The following PARG variants were observed in gnomAD, a reference collection of about 807,000 sequenced individuals.
PARG encodes the protein poly(ADP-ribose) glycohydrolase.
In PARG, 35 loss-of-function variants were observed where a neutral mutation model predicts 113.0. The ratio of observed to expected loss-of-function variants is 0.31; its 90% CI spans 0.24 to 0.41. The LOEUF (loss-of-function observed/expected upper bound fraction) is 0.41. PARG is among the 10% of genes least tolerant of loss of function. PARG has a pLI of 1.00. For missense variants in PARG, 797 were observed against 1,169.4 expected, an observed-to-expected ratio of 0.68 and a Z score of 4.64; for synonymous variants, 330 against 409.9, an observed-to-expected ratio of 0.81 and a Z score of 2.36.
chr10:49,885,136 A>G (rs1554840206), intron 8 of PARG, 67 bp downstream of exon 8: 5 of 846,932 alleles, frequency 5.9e-6, no homozygotes, highest in Non-Finnish European at 1.0e-5. Context: ...GACCCTGGCC[A>G]TTCGAGTTTA....
chr10:49,825,234 C>T (rs766399009), intron 16 of PARG, among the ~76,000 whole-genome samples: 1 of 152,248 alleles, frequency 6.6e-6, no homozygotes, highest in South Asian at 2.1e-4. Flanking sequence ...ACACTCCCTC[C>T]TTTTCCACTA....
At chr10:49,834,218 C>T (rs562159439) in intron 15 of PARG, among the ~76,000 whole-genome samples, 4 of 152,266 alleles carry the variant, frequency 2.6e-5, no homozygotes, top group African/African-American at 9.6e-5. Flanking sequence ...GAAAGATAGT[C>T]TGTGTCATTA....
intron 16 of PARG, among the ~76,000 whole-genome samples, chr10:49,821,848 T>TC (rs1844102346): frequency 6.6e-6 from 1 of 151,860 alleles, no homozygotes; most frequent in Non-Finnish European, 1.5e-5. Flanking sequence ...ATAACCACAT[T>TC]GAAGGGAAAG....
At chr10:49,920,499 C>CAT (rs1241873365) in intron 6 of PARG, among the ~76,000 whole-genome samples, 11 of 55,864 alleles carry the variant, frequency 2.0e-4, no homozygotes, top group East Asian at 3.8e-4. Flanking sequence ...TATATATATA[C>CAT]ACACACACAC....
chr10:49,918,784 T>C (rs1247521970), intron 6 of PARG, among the ~76,000 whole-genome samples: 13 of 152,272 alleles, frequency 8.5e-5, no homozygotes, highest in Non-Finnish European at 1.9e-4. Flanking sequence ...TAGAAAAATA[T>C]CTCGATGGAT....
chr10:49,889,736 T>G (rs1554841127), intron 7 of PARG, among the ~76,000 whole-genome samples: 1 of 152,228 alleles, frequency 6.6e-6, no homozygotes, highest in East Asian at 1.9e-4. Flanking sequence ...CTTTGTCTTT[T>G]AAAACTGACA....
At position 49,917,865 on chromosome 10, in the gene PARG, AT is replaced by A. The variant is rs1159373079; in HGVS notation, c.1663-1875del. On this transcript the variant is annotated intron_variant, in intron 6 of 17. Coordinates refer to ENST00000616448, the MANE Select transcript of PARG (RefSeq NM_003631.5). The stretch of plus-strand genomic sequence containing the variant: ...AAAAAAAAATTAAAAGATTTTAAGG[AT>A]TTTTTTTTCCAATCACTGGTATCTA... 1.7e-4 allele frequency among the ~76,000 whole-genome samples: 25 copies of A among 151,042 alleles called. No homozygotes were observed. The Middle Eastern group carries it at 0.01, about 62-fold the overall frequency.
intron 16 of PARG, among the ~76,000 whole-genome samples, chr10:49,827,747 C>T (rs1218447952): frequency 1.3e-5 from 2 of 151,898 alleles, no homozygotes; most frequent in Middle Eastern, 3.2e-3. Flanking sequence ...AGGACAGAGT[C>T]TGACCTAAAA....
At chr10:49,894,280 G>A (rs1186890281) in intron 7 of PARG, among the ~76,000 whole-genome samples, 14 of 150,872 alleles carry the variant, frequency 9.3e-5, no homozygotes, top group African/African-American at 3.4e-4. Flanking sequence ...GTACTCCAGC[G>A]ATCCCTCTGC....
chr10:49,888,463 C>T (rs186046363), intron 7 of PARG, among the ~76,000 whole-genome samples: 53 of 152,186 alleles, frequency 3.5e-4, no homozygotes, highest in Non-Finnish European at 1.3e-4. Flanking sequence ...TTGTGGTTTC[C>T]TCTTCCTTTC....
intron 10 of PARG, among the ~76,000 whole-genome samples, chr10:49,866,450 T>A (rs1288802634): frequency 3.9e-5 from 6 of 152,014 alleles, no homozygotes; most frequent in Non-Finnish European, 7.4e-5. Flanking sequence ...AGATGGGTCT[T>A]ACGTCTTTTA....
chr10:49,906,515 T>C (rs1264830382), intron 7 of PARG, among the ~76,000 whole-genome samples: 1 of 152,140 alleles, frequency 6.6e-6, no homozygotes, highest in Non-Finnish European at 1.5e-5. Context: ...AGGTGCTATG[T>C]CAAAGACCGA....
intron 14 of PARG, 101 bp from the exon 15 acceptor site, chr10:49,842,159 T>C: frequency 1.3e-6 from 1 of 757,060 alleles, no homozygotes; most frequent in East Asian, 2.7e-5. Flanking sequence ...TCTGTTAAAA[T>C]ATTAAAAACA....
At chr10:49,922,040 T>G (rs1837901384) in intron 6 of PARG, among the ~76,000 whole-genome samples, 1 of 152,064 alleles carries the variant, frequency 6.6e-6, no homozygotes, top group Non-Finnish European at 1.5e-5. Context: ...CATGATAATT[T>G]TAAAACAAAA....
chr10:49,921,273 A>T (rs1837854824), intron 6 of PARG, among the ~76,000 whole-genome samples: 1 of 152,216 alleles, frequency 6.6e-6, no homozygotes, highest in Non-Finnish European at 1.5e-5. Context: ...CCTCCCACCT[A>T]ATACCATTTC....
chr10:49,844,152 A>G (rs781879524), intron 13 of PARG, among the ~76,000 whole-genome samples: 9 of 152,166 alleles, frequency 5.9e-5, no homozygotes, highest in Non-Finnish European at 1.0e-4. Flanking sequence ...CTCAAAAGAA[A>G]AAAAAGAAAA....
intron 6 of PARG, among the ~76,000 whole-genome samples, chr10:49,921,740 A>G (rs1220537315): frequency 1.6e-5 from 2 of 127,536 alleles, no homozygotes; most frequent in Non-Finnish European, 3.4e-5. Context: ...AGTGCCCCCA[A>G]ATATAAATAT....
At position 49,941,675 on chromosome 10, in the gene PARG, G is replaced by A. The variant is rs1234520061; in HGVS notation, c.51C>T (p.Gly17=). 3.1e-6 allele frequency: 5 copies of A among 1,595,012 alleles called. No homozygotes were observed. Among genetic ancestry groups the A allele is most frequent in the African/African-American group, 2.7e-5 (2 of 74,370 alleles). The change falls in exon 1 of 18, where the codon GGC becomes GGT. Residue 17 remains glycine (G), a synonymous_variant. Transcript: ENST00000616448. The part of the protein sequence containing the change: ...CEPCTKRPRW[G]AATTSPAASD... ...AAGCAGCCGGCGAAGTTGTAGCGGCGCCCCAGCGGGGTCGCTTGGTGCAGG... is the reference window on the plus strand; with the variant it reads ...AAGCAGCCGGCGAAGTTGTAGCGGCACCCCAGCGGGGTCGCTTGGTGCAGG...
At chr10:49,830,784 G>T (rs141536504) in intron 16 of PARG, among the ~76,000 whole-genome samples, 2 of 152,162 alleles carry the variant, frequency 1.3e-5, no homozygotes, top group African/African-American at 4.8e-5. Flanking sequence ...TCACCTTTCA[G>T]AGTGAAATCT....
Sources: allele counts gnomAD v4.1 joint callset (sites outside exome capture counted in the v4.1 genomes callset), GRCh38; gene constraint gnomAD v4.1.1; transcripts MANE v1.5; gene names NCBI Gene and HGNC (gene_info 2026-07-23, HGNC 2026-07-21).